Variants in FAM204A observed in about 807,000 individuals in gnomAD.
FAM204A encodes the protein family with sequence similarity 204 member A, also known as protein FAM204A.
Under a neutral mutation model 35.4 loss-of-function variants are expected in FAM204A, and 16 were observed. The ratio of observed to expected loss-of-function variants is 0.45; its 90% CI spans 0.31 to 0.69. The LOEUF (loss-of-function observed/expected upper bound fraction) is 0.69, where lower values mean the gene tolerates loss of function less well. Ranked by LOEUF, FAM204A falls within the 30% of genes least tolerant of loss-of-function variation. The pLI is 0.07. For missense variants in FAM204A, 240 were observed against 265.7 expected (o/e 0.90, Z 0.67); for synonymous variants, 76 against 86.9 (o/e 0.88, Z 0.70).
chr10:118,326,173 T>C lies in FAM204A; in HGVS notation c.524A>G (p.Asn175Ser). The C allele has an allele frequency of 1.9e-6, 3 of 1,613,934 alleles. No individual in the cohort carries two copies. The highest frequency in any genetic ancestry group is 2.5e-6 in the Non-Finnish European group (3 of 1,179,822). The change falls in exon 7 of 9, where the codon AAC becomes AGC. Residue 175 changes from asparagine to serine, a missense_variant. Transcript: ENST00000369183. The stretch of plus-strand genomic sequence containing the variant: ...ACTCACCTCTCGAGTAGCTAGCTGG[T>C]TGCTGAGTTCCTCAGCCTTCTCAAT... ...WNIEKAEELS[N>S]QLATRELGVK...
intron 2 of FAM204A, among the ~76,000 whole-genome samples, chr10:118,338,351 C>A (rs1846420308): frequency 6.6e-6 from 1 of 152,210 alleles, no homozygotes. Flanking sequence ...AAAAAGATTT[C>A]TCCTGTTCTG....
In FAM204A at chr10:118,308,000, C is replaced by T. The variant is rs182160905; in HGVS notation, c.*2857G>A. 2.2e-4 allele frequency: 34 copies of T among 152,254 alleles called. No homozygotes were observed. Among genetic ancestry groups the T allele is most frequent in the African/African-American group, 7.9e-4 (33 of 41,554 alleles). 9.4% of individuals were successfully genotyped at this position (152,254 alleles called of 1,614,324 possible). On this transcript the variant is annotated 3_prime_UTR_variant, in exon 9 of 9. Coordinates refer to ENST00000369183, the MANE Select transcript of FAM204A (RefSeq NM_022063.3). ...GTCATCAGAACTAATTATAGCAAAC[C>T]TAAGATTATATATTCAATCTCTCCT...
intron 6 of FAM204A, among the ~76,000 whole-genome samples, chr10:118,328,889 T>G (rs1384850714): frequency 6.6e-6 from 1 of 152,216 alleles, no homozygotes; most frequent in Non-Finnish European, 1.5e-5. Context: ...TCTTACTTTT[T>G]ACCCTCCCCA....
rs1009217016 is a variant in FAM204A at position 118,310,235 on chromosome 10, A to T, written c.*622T>A. On this transcript the variant is annotated 3_prime_UTR_variant, in exon 9 of 9. Coordinates refer to ENST00000369183, the MANE Select transcript of FAM204A (RefSeq NM_022063.3). ...ATGTCTGTACTCCCAGAACTTTGGG[A>T]GGCAGAGGCAGGTGAATCATATGAG... 2 of 151,828 alleles carry T rather than the reference A, an allele frequency of 1.3e-5. No individual in the cohort carries two copies. The highest frequency in any genetic ancestry group is 4.8e-5 in the African/African-American group (2 of 41,264). 9.4% of individuals were successfully genotyped at this position (151,828 alleles called of 1,614,324 possible).
At chr10:118,335,749 AC>A in intron 3 of FAM204A, 108 bp from the exon 4 acceptor site, 1 of 843,256 alleles carries the variant, frequency 1.2e-6, no homozygotes, top group Middle Eastern at 3.5e-4. Flanking sequence ...GTATAAAGAT[AC>A]CAATTTAATG....
At chr10:118,335,783 C>T in intron 3 of FAM204A, 142 bp from the exon 4 acceptor site, 1 of 664,384 alleles carries the variant, frequency 1.5e-6, no homozygotes. Flanking sequence ...TCTTGAGATG[C>T]TCTATTCTCT....
At chr10:118,338,387 A>G (rs1403703056) in intron 2 of FAM204A, among the ~76,000 whole-genome samples, 1 of 152,240 alleles carries the variant, frequency 6.6e-6, no homozygotes, top group East Asian at 1.9e-4. Context: ...AAGCAGTAAT[A>G]AGTTCCAGTA....
chr10:118,321,567 GAAA>G (rs1342580478), intron 7 of FAM204A, among the ~76,000 whole-genome samples: 1 of 151,796 alleles, frequency 6.6e-6, no homozygotes, highest in African/African-American at 2.4e-5. Context: ...AGTACAATGA[GAAA>G]AACATTTACT....
intron 7 of FAM204A, 88 bp from the exon 8 acceptor site, chr10:118,311,401 T>C: frequency 9.4e-7 from 1 of 1,059,402 alleles, no homozygotes; most frequent in South Asian, 1.6e-5. Flanking sequence ...TGAGAACTTG[T>C]GGGTAAGAAA....
intron 3 of FAM204A, 31 bp from the exon 4 acceptor site, chr10:118,335,672 A>G (rs1846372878): frequency 6.8e-7 from 1 of 1,480,836 alleles, no homozygotes. Flanking sequence ...TTGAGAAGCA[A>G]ATATACTTTC....
In FAM204A at chr10:118,310,030, A is replaced by G. The variant is rs1845922525; in HGVS notation, c.*827T>C. 1 of 152,234 alleles carries G rather than the reference A, an allele frequency of 6.6e-6. No individual in the cohort carries two copies. The highest frequency in any genetic ancestry group is 2.4e-5 in the African/African-American group (1 of 41,458). The allele number at this position is 152,234 out of a possible 1,614,324, so 9.4% of individuals were successfully genotyped here. A position where few individuals can be genotyped will look rare whatever the true frequency, so the allele number is the denominator to read the frequency against. On this transcript the variant is annotated 3_prime_UTR_variant, in exon 9 of 9. Coordinates refer to ENST00000369183, the MANE Select transcript of FAM204A (RefSeq NM_022063.3). ...TCAAGTCTGCCTCCAATTAAAAAAA[A>G]ACAGTAACTACTTTTATAACATTAA... is the stretch of plus-strand genomic sequence containing the variant.
chr10:118,322,651 T>C (rs1157738600), intron 7 of FAM204A, among the ~76,000 whole-genome samples: 1 of 152,106 alleles, frequency 6.6e-6, no homozygotes, highest in African/African-American at 2.4e-5. Flanking sequence ...GGACAACTGG[T>C]AAATTTAAAT....
chr10:118,324,651 G>T (rs1016958476), intron 7 of FAM204A, among the ~76,000 whole-genome samples: 1 of 152,148 alleles, frequency 6.6e-6, no homozygotes. Flanking sequence ...CAAATTCATG[G>T]AGACAGAAGA....
At chr10:118,340,191 ATT>A (rs1846452966) in intron 2 of FAM204A, among the ~76,000 whole-genome samples, 1 of 152,224 alleles carries the variant, frequency 6.6e-6, no homozygotes, top group African/African-American at 2.4e-5. Context: ...TATAGGTCTG[ATT>A]TTTATCAGAA....
Position 118,328,262 on chromosome 10 carries a change from G to A in FAM204A, c.454-2019C>T, listed in dbSNP as rs74164042. On this transcript the variant is annotated intron_variant, in intron 6 of 8. Coordinates refer to ENST00000369183, the MANE Select transcript of FAM204A (RefSeq NM_022063.3). ...TGCCTTTACTGGAACCTCATTCCCTGGCACGGTCCTTCAGTCCCTTCTTAG... is the reference window on the plus strand; with the variant it reads ...TGCCTTTACTGGAACCTCATTCCCTAGCACGGTCCTTCAGTCCCTTCTTAG... Among the ~76,000 whole-genome samples, 1,385 of 152,144 alleles carry A rather than the reference G, an allele frequency of 9.1e-3. 20 individuals are homozygous for A. The highest frequency in any genetic ancestry group is 0.032 in the African/African-American group (1,329 of 41,510).
chr10:118,337,684 G>A (rs1430003834), intron 2 of FAM204A, among the ~76,000 whole-genome samples: 1 of 152,140 alleles, frequency 6.6e-6, no homozygotes, highest in African/African-American at 2.4e-5. Flanking sequence ...CTAGTAGTAT[G>A]AGGAAATCAT....
At chr10:118,340,285 C>T (rs942203548) in intron 2 of FAM204A, among the ~76,000 whole-genome samples, 5 of 151,972 alleles carry the variant, frequency 3.3e-5, no homozygotes, top group African/African-American at 9.7e-5. Context: ...TAATAAAAAC[C>T]GTTCTAGATT....
In FAM204A at chr10:118,329,062, C is replaced by G. The variant is rs118030582; in HGVS notation, c.454-2819G>C. Among the ~76,000 whole-genome samples the G allele has an allele frequency of 3.3e-4, 50 of 152,310 alleles. No individual in the cohort carries two copies. The East Asian group carries it at 8.9e-3, about 27-fold the overall frequency. On this transcript the variant is annotated intron_variant, in intron 6 of 8. Transcript: ENST00000369183. Reference sequence around the variant, plus strand: ...CCTACAAAGGCAAGGTCTTCAATTTCATGATGTCTGTAACAAGCCCAACAC... The same window carrying G: ...CCTACAAAGGCAAGGTCTTCAATTTGATGATGTCTGTAACAAGCCCAACAC...
At chr10:118,341,122 T>C (rs575926953) in intron 2 of FAM204A, among the ~76,000 whole-genome samples, 2 of 152,306 alleles carry the variant, frequency 1.3e-5, no homozygotes, top group East Asian at 3.9e-4. Flanking sequence ...TGAGTAATAA[T>C]GTCATATTTT....
Sources: gnomAD v4.1 joint callset for allele counts (sites outside exome capture counted in the v4.1 genomes callset) on GRCh38, gnomAD v4.1.1 for gene constraint, MANE v1.5 for transcripts, NCBI Gene and HGNC (gene_info 2026-07-23, HGNC 2026-07-21) for gene names.